BZW2: variants seen among roughly 807,000 people sequenced by gnomAD.
BZW2 encodes the protein eIF5-mimic protein 1.
BZW2 carries 23 observed loss-of-function variants against 53.2 expected under a neutral mutation model. The ratio of observed to expected loss-of-function variants is 0.43; its 90% confidence interval spans 0.31 to 0.61. The LOEUF (loss-of-function observed/expected upper bound fraction) is 0.61. Ranked by LOEUF, BZW2 falls within the 20% of genes least tolerant of loss-of-function variation. The pLI, the probability that BZW2 is intolerant of heterozygous loss-of-function variation, is 0.09. For missense variants in BZW2, 409 were observed against 503.1 expected (o/e 0.81, Z 1.79); for synonymous variants, 227 against 186.4 (o/e 1.22, Z -1.77).
Position 16,694,924 on chromosome 7 carries a change from G to A in BZW2, c.742G>A (p.Val248Ile), listed in dbSNP as rs2128367560. ...TAAGGAGCTTTCCGACTTCCTCCGA[G>A]TCCAGCAGTCCCTGGGCACCAGGAA... ...GLKELSDFLR[V>I]QQSLGTRKEL... Residue 248 changes from valine (V) to isoleucine (I), a missense_variant, in exon 8 of 12, where the codon GTC (valine) becomes ATC (isoleucine). By Grantham distance (29) the Val-to-Ile change is conservative. Coordinates refer to ENST00000258761, the MANE Select transcript of BZW2 (RefSeq NM_014038.3). 6.3e-7 allele frequency: 1 copy of A among 1,597,814 alleles called. No individual in the cohort carries two copies. Among genetic ancestry groups the A allele is most frequent in the East Asian group, 2.2e-5 (1 of 44,658 alleles).
chr7:16,658,409 C>A (rs1033376620), intron 1 of BZW2, among the ~76,000 whole-genome samples: 2 of 152,094 alleles, frequency 1.3e-5, no homozygotes, highest in African/African-American at 4.8e-5. Context: ...TAAAAACAAG[C>A]ATTCAAGCAT....
intron 11 of BZW2, 134 bp downstream of exon 11, chr7:16,704,803 T>A: frequency 1.1e-6 from 1 of 944,436 alleles, no homozygotes; most frequent in Non-Finnish European, 1.4e-6. Flanking sequence ...ATCAAACATT[T>A]TGCCAACATC....
At chr7:16,667,279 C>CAAA (rs748681228) in intron 2 of BZW2, among the ~76,000 whole-genome samples, 2 of 60,302 alleles carry the variant, frequency 3.3e-5, no homozygotes, top group Non-Finnish European at 3.7e-5. Context: ...AGCTCCATCT[C>CAAA]AAAAAAAAAA....
chr7:16,671,544 G>C (rs1429861366), intron 2 of BZW2, among the ~76,000 whole-genome samples: 1 of 152,038 alleles, frequency 6.6e-6, no homozygotes, highest in Non-Finnish European at 1.5e-5. Context: ...CCTCTTGCCT[G>C]GGATCTCATG....
chr7:16,694,012 A>AT (rs1241817592), intron 7 of BZW2, among the ~76,000 whole-genome samples: 4 of 152,188 alleles, frequency 2.6e-5, no homozygotes, highest in African/African-American at 9.6e-5. Context: ...GCTTGGATAT[A>AT]TTTTTTAGAC....
At chr7:16,703,307 TA>T (rs1267245165) in intron 10 of BZW2, among the ~76,000 whole-genome samples, 7 of 152,148 alleles carry the variant, frequency 4.6e-5, no homozygotes, top group African/African-American at 1.4e-4. Context: ...CATGTTTTTT[TA>T]AAAAACCTTT....
intron 1 of BZW2, among the ~76,000 whole-genome samples, chr7:16,664,806 T>C (rs552549588): frequency 6.6e-6 from 1 of 152,284 alleles, no homozygotes; most frequent in Admixed American, 6.5e-5. Context: ...ACAGGATAAA[T>C]TCCTGGTAGA....
At chr7:16,692,975 G>A (rs1245504278) in intron 7 of BZW2, among the ~76,000 whole-genome samples, 1 of 152,208 alleles carries the variant, frequency 6.6e-6, no homozygotes, top group African/African-American at 2.4e-5. Context: ...GGGATATTGG[G>A]GACCGCAAGG....
intron 4 of BZW2, among the ~76,000 whole-genome samples, chr7:16,682,183 T>C (rs1583731091): frequency 6.6e-6 from 1 of 152,184 alleles, no homozygotes; most frequent in Non-Finnish European, 1.5e-5. Flanking sequence ...AGAAATCATT[T>C]CCACAGTTAT....
At chr7:16,681,526 TG>T in intron 4 of BZW2, 122 bp downstream of exon 4, 1 of 832,398 alleles carries the variant, frequency 1.2e-6, no homozygotes, top group Non-Finnish European at 1.8e-6. Flanking sequence ...ATGAAAATAA[TG>T]GGCATTAAAA....
At chr7:16,692,213 G>C (rs1290971448) in intron 7 of BZW2, among the ~76,000 whole-genome samples, 2 of 152,068 alleles carry the variant, frequency 1.3e-5, no homozygotes, top group Non-Finnish European at 2.9e-5. Context: ...GCAACTCAGA[G>C]AGGTGAGGGG....
At position 16,686,204 on chromosome 7, in the gene BZW2, G is replaced by T. The variant is rs928793940; in HGVS notation, c.541+164G>T. ...TATATTGCCTTTCAAATAATAAAAG[G>T]AGTGGACTTGTTAATTGTAGGAAGT... On this transcript the variant is annotated intron_variant, in intron 6 of 11. Coordinates refer to ENST00000258761, the MANE Select transcript of BZW2 (RefSeq NM_014038.3). 1.2e-5 allele frequency: 13 copies of T among 1,098,846 alleles called. No homozygotes were observed. In the African/African-American group the frequency reaches 1.4e-4, roughly 12 times the overall value. 68.1% of individuals were successfully genotyped at this position (1,098,846 alleles called of 1,614,324 possible).
chr7:16,666,359 G>A (rs751200912), intron 2 of BZW2, among the ~76,000 whole-genome samples: 1 of 150,768 alleles, frequency 6.6e-6, no homozygotes, highest in Non-Finnish European at 1.5e-5. Context: ...TTGTGGATGT[G>A]AGCCACTGCA....
intron 2 of BZW2, among the ~76,000 whole-genome samples, chr7:16,669,075 G>C (rs186765145): frequency 1.9e-3 from 288 of 152,310 alleles, no homozygotes; most frequent in African/African-American, 5.7e-3. Context: ...CAGGCATTCA[G>C]CATGACCATG....
chr7:16,692,465 G>T (rs934228639), intron 7 of BZW2, among the ~76,000 whole-genome samples: 2 of 151,950 alleles, frequency 1.3e-5, no homozygotes, highest in Admixed American at 6.6e-5. Flanking sequence ...TATAATAAAG[G>T]TAAAAATTAA....
intron 5 of BZW2, 25 bp from the exon 6 acceptor site, chr7:16,685,880 T>C (rs750092679): frequency 7.0e-5 from 61 of 876,768 alleles, no homozygotes; most frequent in East Asian, 1.2e-4. Context: ...CTTTTTCTTT[T>C]TTTTTTTTTT....
At chr7:16,698,856 C>T (rs1188345127) in intron 10 of BZW2, among the ~76,000 whole-genome samples, 2 of 152,102 alleles carry the variant, frequency 1.3e-5, no homozygotes, top group African/African-American at 2.4e-5. Context: ...AAAAGGAACA[C>T]TTAAGAAGTG....
intron 1 of BZW2, among the ~76,000 whole-genome samples, chr7:16,660,912 A>G (rs901251849): frequency 1.3e-5 from 2 of 152,166 alleles, no homozygotes; most frequent in African/African-American, 4.8e-5. Flanking sequence ...ACTGGAATAC[A>G]GCCATGACCA....
intron 1 of BZW2, among the ~76,000 whole-genome samples, chr7:16,647,931 G>A (rs557805145): frequency 1.3e-5 from 2 of 151,982 alleles, no homozygotes; most frequent in Admixed American, 1.3e-4. Flanking sequence ...GGGGTTGTCA[G>A]TTCCTCGAGG....
Sources: gnomAD v4.1 joint callset for allele counts (sites outside exome capture counted in the v4.1 genomes callset) on GRCh38, gnomAD v4.1.1 for gene constraint, MANE v1.5 for transcripts, NCBI Gene and HGNC (gene_info 2026-07-23, HGNC 2026-07-21) for gene names.